RGS6: variants seen among roughly 807,000 people sequenced by gnomAD.
RGS6 encodes regulator of G protein signaling 6.
In RGS6, 30 loss-of-function variants were observed where a neutral mutation model predicts 78.5. The observed-to-expected ratio is 0.38, with a 90% confidence interval of 0.29 to 0.52. The LOEUF is 0.52. RGS6 is among the 20% of genes least tolerant of loss of function. The pLI, the probability that RGS6 is intolerant of heterozygous loss-of-function variation, is 0.85. For synonymous variants in RGS6, 206 were observed against 206.0 expected, an observed-to-expected ratio of 1.00 and a Z score of 0.00; for missense variants, 495 against 609.7, an observed-to-expected ratio of 0.81 and a Z score of 1.98.
At chr14:72,620,566 T>C in the RGS6 span, among the ~76,000 whole-genome samples, 2 of 152,286 alleles carry the variant, frequency 1.3e-5, no homozygotes, top group East Asian at 3.9e-4. Flanking sequence ...ACCCCAGGGT[T>C]GTGGTTAACT....
intron 2 of RGS6, among the ~76,000 whole-genome samples, chr14:72,178,138 C>G (rs115598957): frequency 3.3e-5 from 5 of 152,198 alleles, no homozygotes; most frequent in Admixed American, 3.3e-4. Flanking sequence ...GTTGGTGGAC[C>G]ATTTTCTTCC....
intron 2 of RGS6, among the ~76,000 whole-genome samples, chr14:72,048,104 G>A (rs1051278188): frequency 6.6e-6 from 1 of 152,028 alleles, no homozygotes; most frequent in Non-Finnish European, 1.5e-5. Flanking sequence ...CGGAACAAGA[G>A]AGACTGCGGA....
At chr14:72,057,149 A>G (rs554127955) in intron 2 of RGS6, among the ~76,000 whole-genome samples, 70 of 152,042 alleles carry the variant, frequency 4.6e-4, no homozygotes, top group Admixed American at 1.2e-3. Context: ...CCCCATCTCT[A>G]CTAAAAATAC....
intron 2 of RGS6, among the ~76,000 whole-genome samples, chr14:72,319,350 A>ATTT (rs755289519): frequency 2.1e-5 from 3 of 142,298 alleles, no homozygotes; most frequent in African/African-American, 2.6e-5. Flanking sequence ...GAAGGGGGAA[A>ATTT]TTTTTTTTTT....
chr14:72,177,343 CAG>C (rs1021805456), intron 2 of RGS6, among the ~76,000 whole-genome samples: 5 of 152,040 alleles, frequency 3.3e-5, no homozygotes, highest in African/African-American at 9.7e-5. Context: ...AGGTAGTAAA[CAG>C]GGTGTCTTTG....
At chr14:72,469,946 G>A in intron 7 of RGS6, 61 bp from the exon 8 acceptor site, 2 of 1,178,046 alleles carry the variant, frequency 1.7e-6, no homozygotes, top group South Asian at 2.5e-5. Context: ...AATAAGCATA[G>A]GTGTCGATGT....
chr14:71,872,482 T>G, the RGS6 span, among the ~76,000 whole-genome samples: 1 of 152,256 alleles, frequency 6.6e-6, no homozygotes, highest in South Asian at 2.1e-4. Context: ...TATGGATACT[T>G]GGGTCTCTTG....
intron 2 of RGS6, among the ~76,000 whole-genome samples, chr14:72,241,631 A>G (rs933157276): frequency 1.3e-5 from 2 of 152,236 alleles, no homozygotes; most frequent in African/African-American, 4.8e-5. Flanking sequence ...TGATGTAGCA[A>G]TTCTTTATTA....
chr14:71,925,076 G>A, the RGS6 span, among the ~76,000 whole-genome samples: 2 of 152,104 alleles, frequency 1.3e-5, no homozygotes, highest in Non-Finnish European at 2.9e-5. Context: ...GCCAACACTT[G>A]TTATGTTTTG....
chr14:72,222,008 A>T (rs542796397), intron 2 of RGS6, among the ~76,000 whole-genome samples: 1 of 152,352 alleles, frequency 6.6e-6, no homozygotes, highest in South Asian at 2.1e-4. Flanking sequence ...TACTACTCTT[A>T]TTCCACTTTC....
chr14:71,898,116 T>A, the RGS6 span, among the ~76,000 whole-genome samples: 1 of 152,074 alleles, frequency 6.6e-6, no homozygotes, highest in African/African-American at 2.4e-5. Flanking sequence ...TCACCTCACA[T>A]ACTTTTATTG....
intron 15 of RGS6, among the ~76,000 whole-genome samples, chr14:72,526,276 TG>T (rs957924382): frequency 3.7e-4 from 25 of 68,064 alleles, no homozygotes; most frequent in African/African-American, 1.4e-3. Context: ...GCTAATTTTT[TG>T]TTTTTTTTTA....
intron 17 of RGS6, among the ~76,000 whole-genome samples, chr14:72,551,880 C>T (rs2097511839): frequency 6.6e-6 from 1 of 152,236 alleles, no homozygotes; most frequent in Non-Finnish European, 1.5e-5. Flanking sequence ...TGCACAGCTT[C>T]TCTAAGCCTC....
At chr14:72,334,569 G>A (rs1298887806) in intron 2 of RGS6, among the ~76,000 whole-genome samples, 1 of 152,216 alleles carries the variant, frequency 6.6e-6, no homozygotes, top group Admixed American at 6.5e-5. Flanking sequence ...GAGGCACTCA[G>A]AATTCAGGGA....
intron 2 of RGS6, among the ~76,000 whole-genome samples, chr14:72,298,690 C>T (rs1197744106): frequency 6.6e-6 from 1 of 151,948 alleles, no homozygotes; most frequent in African/African-American, 2.4e-5. Flanking sequence ...CCTCGTGGTC[C>T]ACCCGCCTCG....
At chr14:71,939,964 A>C (rs1226185404) in intron 1 of RGS6, among the ~76,000 whole-genome samples, 1 of 152,166 alleles carries the variant, frequency 6.6e-6, no homozygotes, top group Non-Finnish European at 1.5e-5. Context: ...TAGTCAGCCA[A>C]TGTGGGGGTT....
chr14:72,228,170 G>A (rs1039767951), intron 2 of RGS6, among the ~76,000 whole-genome samples: 1 of 152,110 alleles, frequency 6.6e-6, no homozygotes, highest in Non-Finnish European at 1.5e-5. Context: ...CTTGAGGCCA[G>A]GAGTTCGAGA....
intron 14 of RGS6, among the ~76,000 whole-genome samples, chr14:72,517,078 A>G (rs544748202): frequency 2.3e-4 from 35 of 152,012 alleles, no homozygotes; most frequent in African/African-American, 8.2e-4. Context: ...CCTTTGGGCC[A>G]TGCACTTGGC....
At chr14:71,910,591 G>A in the RGS6 span, among the ~76,000 whole-genome samples, 18 of 152,124 alleles carry the variant, frequency 1.2e-4, no homozygotes, top group African/African-American at 3.6e-4. Context: ...CCCCTACTAC[G>A]AACTTATGAG....
Sources: allele counts gnomAD v4.1 joint callset (sites outside exome capture counted in the v4.1 genomes callset), GRCh38; gene constraint gnomAD v4.1.1; transcripts MANE v1.5; gene names NCBI Gene and HGNC (gene_info 2026-07-23, HGNC 2026-07-21).